Variants in HECW2 observed in about 807,000 individuals in gnomAD.
HECW2 encodes HECT, C2 and WW domain containing E3 ubiquitin protein ligase 2, also known as E3 ubiquitin-protein ligase HECW2.
A neutral mutation model predicts 175.2 loss-of-function variants in HECW2; 61 were observed. That is an observed-to-expected ratio of 0.35 (90% CI 0.28 to 0.43). The LOEUF is 0.43. Ranked by LOEUF, HECW2 falls within the 20% of genes least tolerant of loss-of-function variation. The pLI, the probability that HECW2 is intolerant of heterozygous loss-of-function variation, is 1.00. For missense variants in HECW2, 1,524 were observed against 2,000.5 expected (o/e 0.76, Z 4.54); for synonymous variants, 671 against 731.0 (o/e 0.92, Z 1.32).
At chr2:196,399,344 C>T (rs1026766934) in intron 2 of HECW2, among the ~76,000 whole-genome samples, 2 of 152,182 alleles carry the variant, frequency 1.3e-5, no homozygotes, top group African/African-American at 4.8e-5. Flanking sequence ...TAAAGTAAAA[C>T]AAGACTTCAA....
intron 2 of HECW2, among the ~76,000 whole-genome samples, chr2:196,419,431 T>A (rs946444674): frequency 4.6e-5 from 7 of 152,192 alleles, no homozygotes; most frequent in Admixed American, 2.0e-4. Flanking sequence ...CTTTCTTGTG[T>A]GTGAATGCCA....
intron 17 of HECW2, among the ~76,000 whole-genome samples, chr2:196,266,269 C>A (rs570133543): frequency 6.6e-6 from 1 of 151,662 alleles, no homozygotes; most frequent in African/African-American, 2.4e-5. Flanking sequence ...ATGGCTTGAG[C>A]CCAGGAGGTT....
At chr2:196,306,923 A>G (rs1351399508) in intron 12 of HECW2, among the ~76,000 whole-genome samples, 1 of 152,202 alleles carries the variant, frequency 6.6e-6, no homozygotes, top group East Asian at 1.9e-4. Flanking sequence ...TTTATATTCT[A>G]CTTGGGTTTT....
chr2:196,368,309 A>T (rs948767490), intron 2 of HECW2, among the ~76,000 whole-genome samples: 1 of 152,150 alleles, frequency 6.6e-6, no homozygotes, highest in Non-Finnish European at 1.5e-5. Context: ...GGGTAAGATG[A>T]TATCTCATTG....
At chr2:196,279,561 C>T (rs962753621) in intron 14 of HECW2, among the ~76,000 whole-genome samples, 1 of 152,104 alleles carries the variant, frequency 6.6e-6, no homozygotes, top group Non-Finnish European at 1.5e-5. Flanking sequence ...TTAACTGGCC[C>T]GTTACTATAA....
chr2:196,302,309 A>G (rs753432801), intron 13 of HECW2, among the ~76,000 whole-genome samples: 12 of 152,220 alleles, frequency 7.9e-5, no homozygotes, highest in Non-Finnish European at 1.6e-4. Context: ...AGTTACTAGT[A>G]TAGTTAGAAA....
chr2:196,290,097 A>T (rs531354885), intron 14 of HECW2: 2 of 152,326 alleles, frequency 1.3e-5, no homozygotes, highest in South Asian at 4.1e-4. Context: ...TTCACCCCAA[A>T]CAGGATTCTA....
At chr2:196,292,365 G>A (rs572702127) in intron 14 of HECW2, 200 bp downstream of exon 14, 12 of 504,130 alleles carry the variant, frequency 2.4e-5, no homozygotes, top group Middle Eastern at 5.2e-4. Flanking sequence ...CCCTCCCTCC[G>A]CTCCCTCCAC....
At chr2:196,402,244 A>G (rs1054065408) in intron 2 of HECW2, among the ~76,000 whole-genome samples, 4 of 151,506 alleles carry the variant, frequency 2.6e-5, no homozygotes, top group African/African-American at 4.8e-5. Context: ...ACTTGCCATA[A>G]TAAGTTACTA....
chr2:196,585,621 CT>C (rs1466778607), intron 1 of HECW2, among the ~76,000 whole-genome samples: 2 of 151,914 alleles, frequency 1.3e-5, no homozygotes, highest in East Asian at 3.9e-4. Context: ...AAGATGAGCT[CT>C]TCTAGCTCGT....
chr2:196,384,033 T>C (rs1289107299), intron 2 of HECW2, among the ~76,000 whole-genome samples: 1 of 152,218 alleles, frequency 6.6e-6, no homozygotes, highest in Non-Finnish European at 1.5e-5. Context: ...ACTAGCTTAG[T>C]GCCTGCTCAG....
chr2:196,505,597 G>C (rs1468839090), intron 1 of HECW2, among the ~76,000 whole-genome samples: 1 of 152,064 alleles, frequency 6.6e-6, no homozygotes, highest in Non-Finnish European at 1.5e-5. Flanking sequence ...ACCGAAAGAT[G>C]ATACTTGGAA....
At chr2:196,427,211 C>T (rs1695573779) in intron 2 of HECW2, among the ~76,000 whole-genome samples, 1 of 152,084 alleles carries the variant, frequency 6.6e-6, no homozygotes, top group Non-Finnish European at 1.5e-5. Context: ...GGAGAGAGCA[C>T]CTTATCTGTT....
At chr2:196,471,025 A>G (rs1697175496) in intron 1 of HECW2, among the ~76,000 whole-genome samples, 1 of 152,074 alleles carries the variant, frequency 6.6e-6, no homozygotes, top group African/African-American at 2.4e-5. Flanking sequence ...AAAAAAAAAA[A>G]AGTCTGACAA....
At chr2:196,457,850 C>A (rs183758302) in intron 1 of HECW2, among the ~76,000 whole-genome samples, 106 of 152,252 alleles carry the variant, frequency 7.0e-4, no homozygotes, top group Non-Finnish European at 1.2e-3. Flanking sequence ...TACACAAGCA[C>A]GCTATACTTA....
chr2:196,565,506 C>T (rs1469349569), intron 1 of HECW2, among the ~76,000 whole-genome samples: 1 of 152,172 alleles, frequency 6.6e-6, no homozygotes, highest in African/African-American at 2.4e-5. Context: ...ATTTAAAGTT[C>T]AGCTTCCTCA....
intron 19 of HECW2, among the ~76,000 whole-genome samples, chr2:196,248,828 C>T (rs1298730456): frequency 1.3e-5 from 2 of 152,082 alleles, no homozygotes; most frequent in African/African-American, 4.8e-5. Flanking sequence ...CTCTCACAAC[C>T]CATCCCCTCA....
At chr2:196,527,258 C>T (rs1165202656) in intron 1 of HECW2, among the ~76,000 whole-genome samples, 1 of 152,246 alleles carries the variant, frequency 6.6e-6, no homozygotes, top group East Asian at 1.9e-4. Flanking sequence ...CGTCCGTCAC[C>T]CCTTTCTTTG....
At chr2:196,273,586 G>A (rs576096369) in intron 16 of HECW2, among the ~76,000 whole-genome samples, 1 of 152,058 alleles carries the variant, frequency 6.6e-6, no homozygotes. Context: ...TGTGACAAAA[G>A]CCCTTAAGAA....
Sources: gnomAD v4.1 joint callset for allele counts (sites outside exome capture counted in the v4.1 genomes callset) on GRCh38, gnomAD v4.1.1 for gene constraint, MANE v1.5 for transcripts, NCBI Gene and HGNC (gene_info 2026-07-23, HGNC 2026-07-21) for gene names.